The following KIFAP3 variants were observed in gnomAD, a reference collection of about 807,000 sequenced individuals.
The protein encoded by KIFAP3 is kinesin-associated protein 3.
Under a neutral mutation model 106.5 loss-of-function variants are expected in KIFAP3, and 68 were observed. The observed-to-expected ratio is 0.64, with a 90% CI of 0.53 to 0.78. The LOEUF is 0.78. Among genes scored for constraint, KIFAP3 ranks in the 30% least tolerant of loss-of-function variants. The pLI, the probability that KIFAP3 is intolerant of heterozygous loss-of-function variation, is 0.00. For missense variants in KIFAP3, 780 were observed against 941.8 expected (o/e 0.83, Z 2.25); for synonymous variants, 320 against 311.5 (o/e 1.03, Z -0.29).
At chr1:169,973,105 G>GTGTGTGTATATA (rs145406203) in intron 16 of KIFAP3, among the ~76,000 whole-genome samples, 14 of 90,280 alleles carry the variant, frequency 1.6e-4, no homozygotes, top group African/African-American at 5.5e-4. Flanking sequence ...AAAATAGTGT[G>GTGTGTGTATATA]TATATATATA....
At chr1:169,936,246 A>G (rs1571519794) in intron 19 of KIFAP3, among the ~76,000 whole-genome samples, 1 of 151,994 alleles carries the variant, frequency 6.6e-6, no homozygotes, top group East Asian at 1.9e-4. Context: ...ATGAAAAGTC[A>G]GTTTTAACTC....
At chr1:169,996,439 T>A (rs1319670445) in intron 10 of KIFAP3, among the ~76,000 whole-genome samples, 1 of 152,204 alleles carries the variant, frequency 6.6e-6, no homozygotes, top group East Asian at 1.9e-4. Context: ...GAGAATGGGT[T>A]AAACAAACAA....
At chr1:169,976,858 C>T (rs970138763) in intron 16 of KIFAP3, among the ~76,000 whole-genome samples, 4 of 152,080 alleles carry the variant, frequency 2.6e-5, no homozygotes, top group Non-Finnish European at 4.4e-5. Context: ...GCTGGGACTA[C>T]AGGCATGCAT....
intron 1 of KIFAP3, among the ~76,000 whole-genome samples, 188 bp downstream of exon 1, chr1:170,074,248 T>C (rs12141428): frequency 0.063 from 9,639 of 152,262 alleles, 389 homozygotes; most frequent in Non-Finnish European, 0.095. Context: ...GTCAAAGGAC[T>C]TTGAAACCCC....
At chr1:170,071,713 C>CA (rs796463477) in intron 1 of KIFAP3, among the ~76,000 whole-genome samples, 10 of 152,324 alleles carry the variant, frequency 6.6e-5, no homozygotes, top group African/African-American at 2.4e-4. Flanking sequence ...CCAAGCCATT[C>CA]ATGAGGGATC....
chr1:169,929,679 A>C (rs1281875706), intron 19 of KIFAP3, among the ~76,000 whole-genome samples: 1 of 152,070 alleles, frequency 6.6e-6, no homozygotes, highest in Non-Finnish European at 1.5e-5. Flanking sequence ...CATAATTATA[A>C]ATTTTCCTTT....
chr1:170,050,900 T>A (rs1169920914), intron 2 of KIFAP3, among the ~76,000 whole-genome samples: 2 of 151,898 alleles, frequency 1.3e-5, no homozygotes, highest in Non-Finnish European at 1.5e-5. Context: ...CACCAAAATA[T>A]AACGACCAAT....
rs538932667 is a variant in KIFAP3, at chr1:170,006,657, T to C, written c.1183+9805A>G. ...ATAACTCTGCCAGTTTTGGTCCAGTTAACTAAAAGATGAAGTTACCATTTA... is the reference window on the plus strand; with the variant it reads ...ATAACTCTGCCAGTTTTGGTCCAGTCAACTAAAAGATGAAGTTACCATTTA... On this transcript the variant is annotated intron_variant, in intron 10 of 19. Transcript: ENST00000361580. 5.3e-5 allele frequency among the ~76,000 whole-genome samples: 8 copies of C among 152,174 alleles called. No individual in the cohort carries two copies. In the South Asian group the frequency reaches 1.7e-3, roughly 32 times the overall value.
At chr1:169,953,051 A>G (rs1664811824) in intron 19 of KIFAP3, among the ~76,000 whole-genome samples, 1 of 152,278 alleles carries the variant, frequency 6.6e-6, no homozygotes, top group East Asian at 1.9e-4. Context: ...AAATAACACT[A>G]TAACTGTTCA....
chr1:169,966,073 G>A (rs1665598872), intron 17 of KIFAP3, among the ~76,000 whole-genome samples: 1 of 151,770 alleles, frequency 6.6e-6, no homozygotes, highest in Middle Eastern at 3.2e-3. Context: ...GATACAGATT[G>A]TACTATCATT....
chr1:170,051,050 T>C (rs182804040), intron 2 of KIFAP3, among the ~76,000 whole-genome samples: 63 of 151,610 alleles, frequency 4.2e-4, no homozygotes, highest in Admixed American at 1.5e-3. Flanking sequence ...GACTGGCAAA[T>C]TGGATAAAGA....
At chr1:169,992,069 A>T in intron 11 of KIFAP3, 86 bp downstream of exon 11, 1 of 564,482 alleles carries the variant, frequency 1.8e-6, no homozygotes, top group Admixed American at 4.2e-5. Context: ...ACTTTTTTAG[A>T]GAGAAAATCT....
At chr1:169,966,896 T>C (rs1665661715) in intron 17 of KIFAP3, among the ~76,000 whole-genome samples, 1 of 151,866 alleles carries the variant, frequency 6.6e-6, no homozygotes, top group African/African-American at 2.4e-5. Flanking sequence ...AACACAATAT[T>C]CATTAAAATA....
intron 10 of KIFAP3, among the ~76,000 whole-genome samples, chr1:170,013,276 A>C (rs1445543741): frequency 6.6e-6 from 1 of 152,036 alleles, no homozygotes; most frequent in East Asian, 1.9e-4. Context: ...GAAATGATTA[A>C]ACACCCTTAA....
chr1:169,965,389 G>C (rs945289727), intron 17 of KIFAP3, among the ~76,000 whole-genome samples: 4 of 150,108 alleles, frequency 2.7e-5, no homozygotes, highest in Non-Finnish European at 5.9e-5. Flanking sequence ...GTGTAAAACA[G>C]GGGTTAAAAT....
At chr1:169,934,197 G>A (rs1663658481) in intron 19 of KIFAP3, among the ~76,000 whole-genome samples, 1 of 151,908 alleles carries the variant, frequency 6.6e-6, no homozygotes, top group African/African-American at 2.4e-5. Flanking sequence ...GCCTTTATAG[G>A]GCTCCTACAT....
intron 5 of KIFAP3, among the ~76,000 whole-genome samples, chr1:170,036,941 T>TA (rs1225112410): frequency 6.6e-6 from 1 of 152,172 alleles, no homozygotes; most frequent in East Asian, 1.9e-4. Flanking sequence ...AAAATCCCAT[T>TA]ACGTCTTTTC....
At chr1:170,041,757 G>T in intron 3 of KIFAP3, 1 of 1,533,844 alleles carries the variant, frequency 6.5e-7, no homozygotes, top group South Asian at 1.2e-5. Context: ...AAGGGCAATC[G>T]ACATCCCTTT....
At chr1:170,026,433 T>G (rs567096769) in intron 8 of KIFAP3, among the ~76,000 whole-genome samples, 1 of 152,178 alleles carries the variant, frequency 6.6e-6, no homozygotes, top group South Asian at 2.1e-4. Flanking sequence ...CCCTGAGAGA[T>G]AAGAAATAAA....
Sources: gnomAD v4.1 joint callset for allele counts (sites outside exome capture counted in the v4.1 genomes callset) on GRCh38, gnomAD v4.1.1 for gene constraint, MANE v1.5 for transcripts, NCBI Gene and HGNC (gene_info 2026-07-23, HGNC 2026-07-21) for gene names.